The following HSD17B6 variants were observed in gnomAD, a reference collection of about 807,000 sequenced individuals.
HSD17B6 encodes the protein 17-beta-hydroxysteroid dehydrogenase type 6.
HSD17B6 carries 16 observed loss-of-function variants against 26.4 expected under a neutral mutation model. That is an observed-to-expected ratio of 0.61 (90% CI 0.41 to 0.92). HSD17B6 has a LOEUF of 0.92. HSD17B6 is among the 40% of genes least tolerant of loss of function. The pLI is 0.00. For missense variants in HSD17B6, 357 were observed against 386.1 expected, an observed-to-expected ratio of 0.92 and a Z score of 0.63; for synonymous variants, 139 against 153.0, an observed-to-expected ratio of 0.91 and a Z score of 0.68.
Position 56,783,437 on chromosome 12 carries a change from G to A in HSD17B6, c.572+1205G>A, listed in dbSNP as rs866104896. Among the ~76,000 whole-genome samples the A allele has an allele frequency of 9.8e-5, 14 of 142,228 alleles. 1 individual carries two copies. The highest frequency in any genetic ancestry group is 3.4e-4 in the African/African-American group (13 of 37,726). The allele number at this position is 142,228 out of a possible 152,430, so 93.3% of individuals were successfully genotyped here. A position where few individuals can be genotyped will look rare whatever the true frequency, so the allele number is the denominator to read the frequency against. On this transcript the variant is annotated intron_variant, in intron 3 of 4. Coordinates refer to ENST00000322165, the MANE Select transcript of HSD17B6 (RefSeq NM_003725.4). ...GGGCTCCTCACTTCCCAGTAGGGGC[G>A]GCCGGGCAGAGGTGCCCCTCACCTC... is the stretch of plus-strand genomic sequence containing the variant.
chr12:56,768,817 A>G (rs1475332036), intron 1 of HSD17B6, among the ~76,000 whole-genome samples: 1 of 151,906 alleles, frequency 6.6e-6, no homozygotes, highest in Non-Finnish European at 1.5e-5. Flanking sequence ...TTGTTGTATA[A>G]AAGTTTGTTT....
At position 56,787,247 on chromosome 12, in the gene HSD17B6, G is replaced by A; in HGVS notation, c.859G>A (p.Ala287Thr). The change falls in exon 5 of 5, where the codon GCT (alanine) becomes ACT (threonine). Residue 287 changes from alanine (A) to threonine (T), a missense_variant. Physicochemically the swap from Ala to Thr is moderately conservative, Grantham distance 58. Transcript: ENST00000322165. ...AACTCGATATTCAGCTGGCTGGGAT[G>A]CTAAATTTTTCTTCATCCCTCTATC... ...PRTRYSAGWD[A>T]KFFFIPLSYL... The A allele has an allele frequency of 3.1e-6, 5 of 1,614,132 alleles. No individual in the cohort carries two copies. Among genetic ancestry groups the A allele is most frequent in the Non-Finnish European group, 4.2e-6 (5 of 1,179,984 alleles).
chr12:56,768,914 A>T (rs1954405374), intron 1 of HSD17B6, among the ~76,000 whole-genome samples: 1 of 151,958 alleles, frequency 6.6e-6, no homozygotes, highest in African/African-American at 2.4e-5. Context: ...AGCACCCCTA[A>T]AATGGCCAAC....
Position 56,787,627 on chromosome 12 carries a change from T to C in HSD17B6, c.*285T>C. On this transcript the variant is annotated 3_prime_UTR_variant, in exon 5 of 5. Coordinates refer to ENST00000322165, the MANE Select transcript of HSD17B6 (RefSeq NM_003725.4). ...TAAACAGAGTAGATGGAAAACAATT[T>C]AACCTATTTTGAAGTCATTTCTTTA... 1 of 350,492 alleles carries C rather than the reference T, an allele frequency of 2.9e-6. No homozygotes were observed. Among genetic ancestry groups the C allele is most frequent in the Non-Finnish European group, 5.2e-6 (1 of 191,578 alleles). 21.7% of individuals were successfully genotyped at this position (350,492 alleles called of 1,614,324 possible).
intron 1 of HSD17B6, among the ~76,000 whole-genome samples, chr12:56,772,459 C>T (rs763956595): frequency 6.6e-6 from 1 of 151,902 alleles, no homozygotes; most frequent in Admixed American, 6.6e-5. Flanking sequence ...TTTTGGGAGG[C>T]CAAGGTGGGT....
chr12:56,771,070 C>T (rs921085023), intron 1 of HSD17B6, among the ~76,000 whole-genome samples: 7 of 152,204 alleles, frequency 4.6e-5, no homozygotes, highest in Non-Finnish European at 1.5e-5. Context: ...GATGGCAGTA[C>T]TGGAGCTGGA....
At chr12:56,782,706 C>A (rs1477318435) in intron 3 of HSD17B6, among the ~76,000 whole-genome samples, 1 of 148,490 alleles carries the variant, frequency 6.7e-6, no homozygotes, top group Non-Finnish European at 1.5e-5. Context: ...GTGTTTCTCG[C>A]AGAGGGGGAT....
chr12:56,777,464 A>G (rs185458634), intron 2 of HSD17B6, among the ~76,000 whole-genome samples: 1 of 149,712 alleles, frequency 6.7e-6, no homozygotes, highest in East Asian at 2.0e-4. Flanking sequence ...TCCCAGGTTC[A>G]AGCGATTCTC....
chr12:56,785,405 A>G (rs1165959317), intron 4 of HSD17B6, among the ~76,000 whole-genome samples: 2 of 152,368 alleles, frequency 1.3e-5, no homozygotes, highest in South Asian at 2.1e-4. Flanking sequence ...AAACCATATC[A>G]GTACCCTTGC....
intron 1 of HSD17B6, chr12:56,770,369 A>T (rs1483726799): frequency 6.6e-6 from 1 of 152,406 alleles, no homozygotes; most frequent in South Asian, 2.1e-4. Context: ...CCTCCAATTC[A>T]TGCAGCAGCC....
chr12:56,777,068 A>G (rs1433191228), intron 2 of HSD17B6, among the ~76,000 whole-genome samples: 1 of 152,104 alleles, frequency 6.6e-6, no homozygotes, highest in Non-Finnish European at 1.5e-5. Context: ...TCACTCTAGG[A>G]GTTGCAAAGT....
At chr12:56,774,211 A>C in intron 2 of HSD17B6, 46 bp downstream of exon 2, 1 of 1,501,100 alleles carries the variant, frequency 6.7e-7, no homozygotes, top group Non-Finnish European at 9.0e-7. Flanking sequence ...GAAGATGCTA[A>C]GGTTATATAT....
chr12:56,776,964 A>C (rs1460599555), intron 2 of HSD17B6, among the ~76,000 whole-genome samples: 2 of 152,170 alleles, frequency 1.3e-5, no homozygotes, highest in African/African-American at 4.8e-5. Context: ...TTTTGTCTAG[A>C]TATTATTCAA....
Position 56,782,128 on chromosome 12 carries a change from G to C in HSD17B6, c.468G>C (p.Arg156=). The C allele has an allele frequency of 6.2e-7, 1 of 1,614,162 alleles. No homozygotes were observed. Among genetic ancestry groups the C allele is most frequent in the South Asian group, 1.1e-5 (1 of 91,084 alleles). ...TGCTTCCTTTGGTGAGGAGAGCACG[G>C]GGAAGAATTGTCAATGTCTCCAGCA... ...LSMLPLVRRA[R]GRIVNVSSIL... Residue 156 remains arginine (R), a synonymous_variant, in exon 3 of 5, where the codon CGG becomes CGC. Coordinates refer to ENST00000322165, the MANE Select transcript of HSD17B6 (RefSeq NM_003725.4).
intron 1 of HSD17B6, among the ~76,000 whole-genome samples, chr12:56,765,979 A>G (rs1954318255): frequency 6.6e-6 from 1 of 152,196 alleles, no homozygotes. Flanking sequence ...CTGAAGATCC[A>G]CAAAAGAAGT....
At chr12:56,774,198 C>T (rs1161015120) in intron 2 of HSD17B6, 33 bp downstream of exon 2, 17 of 1,517,010 alleles carry the variant, frequency 1.1e-5, no homozygotes, top group Non-Finnish European at 1.4e-5. Context: ...ATTTACTTAG[C>T]ATGAAGATGC....
chr12:56,786,249 G>GTTTTT (rs56722036), intron 4 of HSD17B6, among the ~76,000 whole-genome samples: 2 of 127,136 alleles, frequency 1.6e-5, no homozygotes, highest in Non-Finnish European at 3.4e-5. Context: ...TAAGTTGTGT[G>GTTTTT]TTTTTTTTTT....
At chr12:56,771,582 C>T (rs1167341303) in intron 1 of HSD17B6, among the ~76,000 whole-genome samples, 4 of 151,782 alleles carry the variant, frequency 2.6e-5, no homozygotes, top group African/African-American at 9.7e-5. Context: ...CCTCAGCCTC[C>T]CAAGTAGCTG....
intron 2 of HSD17B6, among the ~76,000 whole-genome samples, 189 bp from the exon 3 acceptor site, chr12:56,781,785 G>T (rs1954719189): frequency 6.6e-6 from 1 of 152,162 alleles, no homozygotes; most frequent in Non-Finnish European, 1.5e-5. Context: ...CCTGGCGATA[G>T]GGCGAGACTT....
Sources: allele counts gnomAD v4.1 joint callset (sites outside exome capture counted in the v4.1 genomes callset), GRCh38; gene constraint gnomAD v4.1.1; transcripts MANE v1.5; gene names NCBI Gene and HGNC (gene_info 2026-07-23, HGNC 2026-07-21).